The following FSD1 variants were observed in gnomAD, a reference collection of about 807,000 sequenced individuals.
FSD1 encodes fibronectin type III and SPRY domain containing 1, also known as fibronectin type III and SPRY domain-containing protein 1.
FSD1 carries 23 observed loss-of-function variants against 58.2 expected under a neutral mutation model. That is an observed-to-expected ratio of 0.40 (90% CI 0.28 to 0.56). The LOEUF (loss-of-function observed/expected upper bound fraction) is 0.56. Ranked by LOEUF, FSD1 falls within the 20% of genes least tolerant of loss-of-function variation. The pLI, the probability that FSD1 is intolerant of heterozygous loss-of-function variation, is 0.54. For synonymous variants in FSD1, 265 were observed against 263.4 expected (o/e 1.01, Z -0.06); for missense variants, 563 against 670.8 (o/e 0.84, Z 1.78).
rs750973778 is a variant in FSD1 at position 4,310,585 on chromosome 19, A to T, written c.479A>T (p.Lys160Met). Residue 160 changes from lysine (K) to methionine (M), a missense_variant, in exon 6 of 13, where the codon AAG (lysine) becomes ATG (methionine). Coordinates refer to ENST00000221856, the MANE Select transcript of FSD1 (RefSeq NM_024333.3). ...GAGCGGCAGATGCTACAGGCACTCA[A>T]GTTCCTGCCTGGTGAGAGGGGCACG... ...AQERQMLQAL[K>M]FLPVPSAPVI... The T allele has an allele frequency of 6.2e-7, 1 of 1,613,330 alleles. No individual in the cohort carries two copies. Among genetic ancestry groups the T allele is most frequent in the East Asian group, 2.2e-5 (1 of 44,878 alleles).
chr19:4,310,747 G>T, intron 6 of FSD1, 151 bp downstream of exon 6: 1 of 867,850 alleles, frequency 1.2e-6, no homozygotes, highest in South Asian at 1.7e-5. Context: ...ACGCCCTGTG[G>T]GGGGTGGAGT....
intron 7 of FSD1, among the ~76,000 whole-genome samples, chr19:4,315,603 T>A (rs1971746450): frequency 1.4e-5 from 2 of 145,356 alleles, no homozygotes; most frequent in South Asian, 4.4e-4. Context: ...CCACCGTGCC[T>A]GGCCTTTTTT....
At chr19:4,319,084 T>A in intron 10 of FSD1, 133 bp downstream of exon 10, 1 of 707,216 alleles carries the variant, frequency 1.4e-6, no homozygotes, top group Non-Finnish European at 2.5e-6. Flanking sequence ...AATAACAGGT[T>A]GTTCTGGCAC....
rs1397266367 is a variant in FSD1 at position 4,323,351 on chromosome 19, T to C, written c.1295T>C (p.Leu432Pro). The C allele has an allele frequency of 1.2e-6, 2 of 1,612,844 alleles. No individual in the cohort carries two copies. The highest frequency in any genetic ancestry group is 3.3e-5 in the Admixed American group (2 of 59,886). Reference protein sequence around the residue: ...LGVHCDFHQGLLSFYNARTKQ... With the variant: ...LGVHCDFHQGPLSFYNARTKQ... ...TCACTCTGCCCCCCGACCCCAGGCCTCCTGTCCTTCTACAATGCCCGCACC... is the reference window on the plus strand; with the variant it reads ...TCACTCTGCCCCCCGACCCCAGGCCCCCTGTCCTTCTACAATGCCCGCACC... The change falls in exon 12 of 13, where the codon CTC (leucine) becomes CCC (proline). Residue 432 changes from leucine (L) to proline (P), a missense_variant. Transcript: ENST00000221856. This position sits in a 1 kb window ranked among gnomAD's most constrained non-coding sequence, Gnocchi z 7.7.
At chr19:4,311,685 T>TAA (rs59243536) in intron 6 of FSD1, 157 bp from the exon 7 acceptor site, 184 of 545,600 alleles carry the variant, frequency 3.4e-4, no homozygotes, top group Middle Eastern at 5.0e-4. Context: ...ACTCTGTCTC[T>TAA]AAAAAAAAAA....
chr19:4,310,001 G>A (rs1326484920), intron 4 of FSD1, among the ~76,000 whole-genome samples: 1 of 151,976 alleles, frequency 6.6e-6, no homozygotes, highest in East Asian at 1.9e-4. Flanking sequence ...GCTGAGGCAG[G>A]CGGATCACCT....
Position 4,308,000 on chromosome 19 carries a change from C to T in FSD1, c.345+17C>T. 2 of 1,588,174 alleles carry T rather than the reference C, an allele frequency of 1.3e-6. No individual in the cohort carries two copies. The highest frequency in any genetic ancestry group is 1.7e-6 in the Non-Finnish European group (2 of 1,158,294). On this transcript the variant is annotated intron_variant, in intron 4 of 12. Coordinates refer to ENST00000221856, the MANE Select transcript of FSD1 (RefSeq NM_024333.3). ...TTTCCTCAGGTGGGTGCCTCTGATG[C>T]TGCCAGGTAAAGAACAGTGTGCCCA...
In FSD1 at chr19:4,306,262, A is replaced by T. The variant is rs1971620546; in HGVS notation, c.176A>T (p.Glu59Val). 1 of 1,613,998 alleles carries T rather than the reference A, an allele frequency of 6.2e-7. No individual in the cohort carries two copies. The highest frequency in any genetic ancestry group is 1.1e-5 in the South Asian group (1 of 91,074). The change falls in exon 3 of 13, where the codon GAG becomes GTG. Residue 59 changes from glutamate (E) to valine (V), a missense_variant. By Grantham distance (121) the Glu-to-Val change is moderately radical (BLOSUM62 -2). Transcript: ENST00000221856. ...AEFQSLFSLL[E>V]ELKEGMLMKI... ...TTCCAGTCCCTCTTCTCCCTCCTGG[A>T]GGAGCTGAAAGAAGGCATGCTTATG...
rs771186500 is a variant in FSD1, at chr19:4,318,411, G to C, written c.865G>C (p.Glu289Gln). Residue 289 changes from glutamate to glutamine, a missense_variant, in exon 9 of 13, where the codon GAG becomes CAG. Glu to Gln is a conservative substitution (Grantham distance 29, BLOSUM62 2). Transcript: ENST00000221856. ...CCTGCGGGTGGATGATCTCTCCGTG[G>C]AGTGGGACGCTATGGGCGGGAAGGT... ...QNLRVDDLSV[E>Q]WDAMGGKVQD... 3 of 1,613,916 alleles carry C rather than the reference G, an allele frequency of 1.9e-6. No individual in the cohort carries two copies. In the South Asian group the frequency reaches 3.3e-5, roughly 18 times the overall value.
intron 7 of FSD1, among the ~76,000 whole-genome samples, chr19:4,315,856 T>C (rs1971749971): frequency 6.6e-6 from 1 of 151,306 alleles, no homozygotes; most frequent in Admixed American, 6.6e-5. Flanking sequence ...CTCGAACTCC[T>C]GACCTCAGGT....
chr19:4,317,178 C>T lies in FSD1; in HGVS notation c.701-4C>T. Reference sequence around the variant, plus strand: ...AGTGTTGAAATGCCTCTCTTGCCTACCAGGTCTCAAGTTTGACATGAAATA... The same window carrying T: ...AGTGTTGAAATGCCTCTCTTGCCTATCAGGTCTCAAGTTTGACATGAAATA... On this transcript the variant is annotated splice_polypyrimidine_tract_variant and splice_region_variant and intron_variant, in intron 7 of 12. Transcript: ENST00000221856. 6.4e-7 allele frequency: 1 copy of T among 1,572,010 alleles called. No individual in the cohort carries two copies. The highest frequency in any genetic ancestry group is 8.8e-7 in the Non-Finnish European group (1 of 1,141,798).
chr19:4,308,064 T>C (rs1971642662), intron 4 of FSD1, 81 bp downstream of exon 4: 2 of 1,108,644 alleles, frequency 1.8e-6, no homozygotes, highest in Non-Finnish European at 2.7e-6. Context: ...ACATTTTTAG[T>C]GTAAGTATAG....
intron 1 of FSD1, 121 bp downstream of exon 1, chr19:4,304,882 C>A: frequency 2.4e-6 from 1 of 414,424 alleles, no homozygotes; most frequent in Non-Finnish European, 3.6e-6. Context: ...GCGGCTGAGG[C>A]CCCACCCCAT....
chr19:4,310,805 A>G, intron 6 of FSD1: 1 of 542,910 alleles, frequency 1.8e-6, no homozygotes, highest in South Asian at 2.1e-5. Flanking sequence ...GACCCCACCC[A>G]CTGTGTAGTG....
chr19:4,314,423 G>A (rs1267481632), intron 7 of FSD1, among the ~76,000 whole-genome samples: 1 of 151,740 alleles, frequency 6.6e-6, no homozygotes, highest in African/African-American at 2.4e-5. Context: ...AAAGTACAGT[G>A]AGGACCCATG....
Position 4,323,113 on chromosome 19 carries a change from C to G in FSD1, c.1167C>G (p.Ala389=). ...GRFEQLGKTA[A]SWCLHVNNWL... is the part of the protein sequence containing the mutation. ...TCGAGCAACTGGGCAAGACGGCCGC[C>G]TCCTGGTGCCTGCACGTCAACAATT... Residue 389 remains alanine (A), a synonymous_variant, in exon 11 of 13, where the codon GCC becomes GCG. Coordinates refer to ENST00000221856, the MANE Select transcript of FSD1 (RefSeq NM_024333.3). The surrounding 1 kb of genome is among the most constrained non-coding windows in gnomAD (Gnocchi z 7.7). 6.2e-7 allele frequency: 1 copy of G among 1,607,538 alleles called. No individual in the cohort carries two copies. Among genetic ancestry groups the G allele is most frequent in the Non-Finnish European group, 8.5e-7 (1 of 1,179,758 alleles).
chr19:4,316,193 T>C (rs767104609), intron 7 of FSD1, among the ~76,000 whole-genome samples: 15 of 151,988 alleles, frequency 9.9e-5, no homozygotes, highest in Non-Finnish European at 2.2e-4. Flanking sequence ...CCTGAGTAAC[T>C]GGGACTACAG....
Position 4,323,499 on chromosome 19 carries a change from T to TGGGGGGGGG in FSD1, c.1381-33_1381-32insGGGGGGGGG. ...GGTGCTGGGCGCTGGGGTTTGAAGC[T>TGGGGGGGGG]GAGCCCCTCCCCCCTCCCCCCGCTG... On this transcript the variant is annotated intron_variant, in intron 12 of 12. Transcript: ENST00000221856. The surrounding 1 kb of genome is among the most constrained non-coding windows in gnomAD (Gnocchi z 7.7). 6.3e-7 allele frequency: 1 copy of TGGGGGGGGG among 1,577,822 alleles called. No homozygotes were observed. Among genetic ancestry groups the TGGGGGGGGG allele is most frequent in the Non-Finnish European group, 8.7e-7 (1 of 1,148,726 alleles).
At position 4,323,214 on chromosome 19, in the gene FSD1, G is replaced by A. The variant is rs954253820; in HGVS notation, c.1268G>A (p.Gly423Asp). The A allele has an allele frequency of 6.2e-7, 1 of 1,605,190 alleles. No individual in the cohort carries two copies. Among genetic ancestry groups the A allele is most frequent in the Non-Finnish European group, 8.5e-7 (1 of 1,179,760 alleles). Residue 423 changes from glycine (G) to aspartate (D), a missense_variant, in exon 11 of 13, where the codon GGT becomes GAT. By Grantham distance (94) the Gly-to-Asp change is moderately conservative (BLOSUM62 -1). Transcript: ENST00000221856. The surrounding 1 kb of genome is among the most constrained non-coding windows in gnomAD (Gnocchi z 7.7). ...GACGCCCCCGTGCCCGACTGCCTGGGTGTGCACTGTGACTTCCACCAAGGT... is the reference window on the plus strand; with the variant it reads ...GACGCCCCCGTGCCCGACTGCCTGGATGTGCACTGTGACTTCCACCAAGGT... ...VLDAPVPDCL[G>D]VHCDFHQGLL...
Sources: gnomAD v4.1 joint callset for allele counts (sites outside exome capture counted in the v4.1 genomes callset) on GRCh38, gnomAD v4.1.1 for gene constraint, Gnocchi (gnomAD v3.1) non-coding constraint, MANE v1.5 for transcripts, NCBI Gene and HGNC (gene_info 2026-07-23, HGNC 2026-07-21) for gene names.